Variants in NPAT observed in about 807,000 individuals in gnomAD.
NPAT encodes nuclear protein, coactivator of histone transcription, also known as protein NPAT.
In NPAT, 52 loss-of-function variants were observed where a neutral mutation model predicts 130.7. That is an observed-to-expected ratio of 0.40 (90% CI 0.32 to 0.50). NPAT has a LOEUF of 0.50. NPAT is among the 20% of genes least tolerant of loss of function. The pLI is 0.68. For synonymous variants in NPAT, 580 were observed against 584.8 expected, an observed-to-expected ratio of 0.99 and a Z score of 0.12; for missense variants, 1,687 against 1,662.6, an observed-to-expected ratio of 1.01 and a Z score of -0.26.
At position 108,207,183 on chromosome 11, in the gene NPAT, C is replaced by A. The variant is rs544534075; in HGVS notation, c.38-9763G>T. On this transcript the variant is annotated intron_variant, in intron 1 of 17. Coordinates refer to ENST00000278612, the MANE Select transcript of NPAT (RefSeq NM_002519.3). ...TCCTTCTCACAGCTGGTAGTCCCAA[C>A]ATCTCTGTGAGTCTGGCTGAGTCTG... Among the ~76,000 whole-genome samples, 3 of 152,366 alleles carry A rather than the reference C, an allele frequency of 2.0e-5. No homozygotes were observed. In the South Asian group the frequency reaches 6.2e-4, roughly 32 times the overall value.
chr11:108,165,260 T>TA, intron 15 of NPAT, among the ~76,000 whole-genome samples: 1 of 151,886 alleles, frequency 6.6e-6, no homozygotes, highest in Non-Finnish European at 1.5e-5. Context: ...TTTTTCCATT[T>TA]ATAAGTTATG....
At chr11:108,175,401 G>A (rs2077995936) in intron 12 of NPAT, among the ~76,000 whole-genome samples, 1 of 152,176 alleles carries the variant, frequency 6.6e-6, no homozygotes, top group South Asian at 2.1e-4. Flanking sequence ...TTGCTGCTGA[G>A]TACAGAGCAC....
intron 15 of NPAT, among the ~76,000 whole-genome samples, chr11:108,162,619 A>G (rs529373451): frequency 2.0e-5 from 3 of 152,202 alleles, no homozygotes; most frequent in South Asian, 4.1e-4. Context: ...TTTAGTAGAG[A>G]TGGGGTTTCG....
intron 6 of NPAT, among the ~76,000 whole-genome samples, chr11:108,188,511 A>G (rs892050376): frequency 2.0e-5 from 3 of 152,208 alleles, no homozygotes; most frequent in African/African-American, 7.2e-5. Context: ...CTTGATGGCA[A>G]CAAATTTTAG....
chr11:108,191,001 C>A (rs995775135), intron 4 of NPAT, among the ~76,000 whole-genome samples: 13 of 152,112 alleles, frequency 8.5e-5, no homozygotes, highest in Non-Finnish European at 1.6e-4. Flanking sequence ...CTCAGGCGTT[C>A]AAGGCTACAA....
At position 108,157,861 on chromosome 11, in the gene NPAT, TCA is replaced by T. The variant is rs967696205; in HGVS notation, c.*1079_*1080del. On this transcript the variant is annotated 3_prime_UTR_variant, in exon 18 of 18. Transcript: ENST00000278612. ...ACAGAGAAGGCACCTCTCTCATCTC[TCA>T]CTCTCCTTAAGGACCTTTTGAGAGA... The T allele has an allele frequency of 2.9e-4, 44 of 152,674 alleles. No individual in the cohort carries two copies. Among genetic ancestry groups the T allele is most frequent in the African/African-American group, 1.0e-3 (43 of 41,580 alleles). The allele number at this position is 152,674 out of a possible 1,614,324, so 9.5% of individuals were successfully genotyped here.
At chr11:108,201,992 C>T (rs927212676) in intron 1 of NPAT, among the ~76,000 whole-genome samples, 2 of 152,090 alleles carry the variant, frequency 1.3e-5, no homozygotes, top group Non-Finnish European at 2.9e-5. Context: ...GCAGGGTATG[C>T]AATAGTCACC....
intron 1 of NPAT, among the ~76,000 whole-genome samples, chr11:108,202,595 A>G (rs1273504554): frequency 3.3e-5 from 5 of 152,198 alleles, no homozygotes; most frequent in African/African-American, 1.2e-4. Flanking sequence ...CATAAAACCT[A>G]TCAATTGGCC....
Position 108,185,268 on chromosome 11 carries a change from C to T in NPAT, c.870G>A (p.Glu290=). 6.2e-7 allele frequency: 1 copy of T among 1,612,482 alleles called. No individual in the cohort carries two copies. Among genetic ancestry groups the T allele is most frequent in the South Asian group, 1.1e-5 (1 of 90,670 alleles). The change falls in exon 10 of 18, where the codon GAG becomes GAA. Residue 290 remains glutamate, a synonymous_variant. Coordinates refer to ENST00000278612, the MANE Select transcript of NPAT (RefSeq NM_002519.3). The stretch of plus-strand genomic sequence containing the variant: ...GGAATTCATCAATTGAAGTCTCTGG[C>T]TCCGTAGGGTTGTTATCTGTTTGCT... The part of the protein sequence containing the change: ...VPKQTDNNPT[E]PETSIDEFLG...
chr11:108,165,758 C>T (rs1030708917), intron 15 of NPAT, among the ~76,000 whole-genome samples: 16 of 151,992 alleles, frequency 1.1e-4, no homozygotes, highest in African/African-American at 3.4e-4. Flanking sequence ...TTTAGTCTCC[C>T]GAATAGCTGG....
In NPAT at chr11:108,189,123, G is replaced by T; in HGVS notation, c.539C>A (p.Ser180Ter). The stretch of plus-strand genomic sequence containing the variant: ...AAACTTACTGGTTACAGTATCTTGT[G>T]ACTGTGAGTGGTTGACCACTACAAA... ...SYFVVVNHSQSQDTVTTGEAL... is the reference protein window; with the variant it reads ...SYFVVVNHSQ The change falls in exon 6 of 18, where the codon TCA becomes TAA. Residue 180 changes from serine to a stop codon, truncating the protein, a stop_gained. Coordinates refer to ENST00000278612, the MANE Select transcript of NPAT (RefSeq NM_002519.3). LOFTEE classifies it high-confidence loss of function. The T allele has an allele frequency of 6.2e-7, 1 of 1,613,630 alleles. No individual in the cohort carries two copies. The highest frequency in any genetic ancestry group is 1.1e-5 in the South Asian group (1 of 91,036).
At chr11:108,176,893 C>CG in intron 11 of NPAT, 101 bp downstream of exon 11, 2 of 742,714 alleles carry the variant, frequency 2.7e-6, no homozygotes, top group East Asian at 5.3e-5. Flanking sequence ...AAAACAAGAA[C>CG]TTTTTTAGAT....
chr11:108,177,421 G>C (rs1265617668), intron 10 of NPAT, among the ~76,000 whole-genome samples: 2 of 151,962 alleles, frequency 1.3e-5, no homozygotes, highest in African/African-American at 4.8e-5. Context: ...CAGCCTCCCA[G>C]AGCACTGGGA....
At chr11:108,173,967 A>T (rs1413112488) in intron 12 of NPAT, 116 bp from the exon 13 acceptor site, 1 of 866,658 alleles carries the variant, frequency 1.2e-6, no homozygotes, top group African/African-American at 1.7e-5. Context: ...CATACCAGTA[A>T]GTGGAAGTCT....
chr11:108,197,878 C>T (rs1325438446), intron 1 of NPAT, among the ~76,000 whole-genome samples: 2 of 152,158 alleles, frequency 1.3e-5, no homozygotes, highest in Admixed American at 1.3e-4. Flanking sequence ...AACAGAAGAC[C>T]TACTCTGCAT....
At position 108,190,529 on chromosome 11, in the gene NPAT, T is replaced by A. The variant is rs373630868; in HGVS notation, c.291-29A>T. The A allele has an allele frequency of 7.2e-5, 115 of 1,607,364 alleles. 1 individual carries two copies. Among genetic ancestry groups the A allele is most frequent in the Middle Eastern group, 5.0e-4 (3 of 6,054 alleles). On this transcript the variant is annotated intron_variant, in intron 4 of 17. Transcript: ENST00000278612. ...ACAAAGAAAACAAAGTAGTTATCCA[T>A]CAAAAAATGTTTGTTGCTGACATCC... is the stretch of plus-strand genomic sequence containing the variant.
chr11:108,195,057 C>T (rs528694242), intron 2 of NPAT, among the ~76,000 whole-genome samples: 190 of 151,280 alleles, frequency 1.3e-3, no homozygotes, highest in Non-Finnish European at 1.9e-3. Context: ...CTCTTGACCT[C>T]GCTATCCACT....
intron 8 of NPAT, 24 bp from the exon 9 acceptor site, chr11:108,185,518 C>T: frequency 7.1e-7 from 1 of 1,408,068 alleles, no homozygotes; most frequent in Middle Eastern, 2.3e-4. Context: ...CCACTGTTAG[C>T]AAAAGGACAA....
intron 1 of NPAT, among the ~76,000 whole-genome samples, chr11:108,209,888 CAAAA>C (rs58890849): frequency 2.4e-4 from 17 of 70,798 alleles, no homozygotes; most frequent in Non-Finnish European, 3.8e-4. Flanking sequence ...GACTTCATCT[CAAAA>C]AAAAAAAAAA....
Sources: allele counts gnomAD v4.1 joint callset (sites outside exome capture counted in the v4.1 genomes callset), GRCh38; gene constraint gnomAD v4.1.1; transcripts MANE v1.5; gene names NCBI Gene and HGNC (gene_info 2026-07-23, HGNC 2026-07-21).